SEC24D: variants seen among roughly 807,000 people sequenced by gnomAD.
The protein encoded by SEC24D is SEC24 homolog D, COPII component.
In SEC24D, 69 loss-of-function variants were observed where a neutral mutation model predicts 116.9. That is an observed-to-expected ratio of 0.59 (90% CI 0.49 to 0.72). The LOEUF (loss-of-function observed/expected upper bound fraction) is 0.72, where lower values mean the gene tolerates loss of function less well. Ranked by LOEUF, SEC24D falls within the 30% of genes least tolerant of loss-of-function variation. The pLI is 0.00. For synonymous variants in SEC24D, 405 were observed against 442.8 expected (o/e 0.91, Z 1.07); for missense variants, 1,131 against 1,264.1 (o/e 0.89, Z 1.60).
At chr4:118,780,181 A>G (rs1359983838) in intron 8 of SEC24D, among the ~76,000 whole-genome samples, 4 of 151,908 alleles carry the variant, frequency 2.6e-5, no homozygotes, top group African/African-American at 9.7e-5. Context: ...TAGTTCTTTT[A>G]ATTGTGATGT....
chr4:118,749,704 G>A (rs1002330369), intron 13 of SEC24D, among the ~76,000 whole-genome samples: 33 of 152,182 alleles, frequency 2.2e-4, no homozygotes, highest in Non-Finnish European at 4.3e-4. Context: ...ATTATGTTTT[G>A]TATTACAGAG....
At position 118,744,617 on chromosome 4, in the gene SEC24D, C is replaced by T. The variant is rs555127257; in HGVS notation, c.1824+327G>A. On this transcript the variant is annotated intron_variant, in intron 14 of 22. Coordinates refer to ENST00000280551, the MANE Select transcript of SEC24D (RefSeq NM_014822.4). ...TGTGCTTCATGCCTCAGGCCTCTGC[C>T]GCCAAGGGAAGAGTTTGTCTAACAT... is the stretch of plus-strand genomic sequence containing the variant. Among the ~76,000 whole-genome samples the T allele has an allele frequency of 5.3e-5, 8 of 152,306 alleles. No individual in the cohort carries two copies. In the East Asian group the frequency reaches 1.2e-3, roughly 22 times the overall value.
At chr4:118,777,724 C>A (rs927272765) in intron 8 of SEC24D, among the ~76,000 whole-genome samples, 1 of 152,222 alleles carries the variant, frequency 6.6e-6, no homozygotes, top group African/African-American at 2.4e-5. Context: ...TACACTCCCA[C>A]CAACAGTGTA....
At chr4:118,780,387 C>G (rs190654300) in intron 8 of SEC24D, among the ~76,000 whole-genome samples, 4 of 152,290 alleles carry the variant, frequency 2.6e-5, no homozygotes, top group Admixed American at 2.6e-4. Flanking sequence ...GCAGGATGTT[C>G]GGTTTCCATG....
Position 118,768,249 on chromosome 4 carries a change from G to A in SEC24D, c.1104C>T (p.Ala368=), listed in dbSNP as rs750253197. ...SGPVRCNRCK[A]YMCPFMQFIE... ...TGAACTGCATAAATGGGCACATGTA[G>A]GCCTTGCACCTGTTGCATCTGACTG... Residue 368 remains alanine (A), a synonymous_variant, in exon 9 of 23, where the codon GCC becomes GCT. Transcript: ENST00000280551. 2 of 1,613,818 alleles carry A rather than the reference G, an allele frequency of 1.2e-6. No individual in the cohort carries two copies. The highest frequency in any genetic ancestry group is 1.7e-5 in the Admixed American group (1 of 60,002).
At chr4:118,774,553 G>C (rs568129227) in intron 8 of SEC24D, among the ~76,000 whole-genome samples, 2 of 152,274 alleles carry the variant, frequency 1.3e-5, no homozygotes, top group South Asian at 2.1e-4. Context: ...CAGAGCTGTA[G>C]CTTGAATTCT....
chr4:118,742,567 TAGAA>T (rs1438956550), intron 15 of SEC24D, among the ~76,000 whole-genome samples: 7 of 152,222 alleles, frequency 4.6e-5, no homozygotes, highest in South Asian at 4.1e-4. Context: ...CCAGAAGTCT[TAGAA>T]AGAGTTGTTA....
At chr4:118,810,456 C>T (rs767147809) in intron 6 of SEC24D, among the ~76,000 whole-genome samples, 4 of 152,048 alleles carry the variant, frequency 2.6e-5, no homozygotes, top group Non-Finnish European at 5.9e-5. Context: ...AGGTTTTTGG[C>T]CTGAGGAGCC....
chr4:118,797,950 TAAA>T (rs1173558781), intron 7 of SEC24D, 140 bp from the exon 8 acceptor site: 1 of 659,988 alleles, frequency 1.5e-6, no homozygotes, highest in East Asian at 2.9e-5. Context: ...ATTTGTTTTT[TAAA>T]AAAGTAGTAT....
chr4:118,729,575 G>A (rs1725581775), intron 21 of SEC24D: 1 of 152,188 alleles, frequency 6.6e-6, no homozygotes, highest in South Asian at 2.1e-4. Flanking sequence ...TTTCTCAAAG[G>A]GAATGCAGCG....
At chr4:118,833,843 G>C (rs1018602485) in intron 1 of SEC24D, 106 bp from the exon 2 acceptor site, 1 of 588,908 alleles carries the variant, frequency 1.7e-6, no homozygotes, top group African/African-American at 1.9e-5. Flanking sequence ...TTGAGGAAAA[G>C]TACAGATATC....
intron 8 of SEC24D, among the ~76,000 whole-genome samples, chr4:118,784,381 A>G (rs2110490352): frequency 6.6e-6 from 1 of 152,338 alleles, no homozygotes; most frequent in Non-Finnish European, 1.5e-5. Flanking sequence ...GAAGAAATAT[A>G]GACAAAATTA....
chr4:118,818,035 C>G (rs566340156), intron 3 of SEC24D, among the ~76,000 whole-genome samples: 6 of 151,320 alleles, frequency 4.0e-5, no homozygotes, highest in Non-Finnish European at 1.5e-5. Context: ...AGACCCTGTC[C>G]CAAAGAGAAA....
rs549375571 is a variant in SEC24D at position 118,752,023 on chromosome 4, G to A, written c.1680C>T (p.Val560=). Residue 560 remains valine (V), a synonymous_variant, in exon 13 of 23, where the codon GTC becomes GTT. Transcript: ENST00000280551. The stretch of plus-strand genomic sequence containing the variant: ...TTAGTGCTTCCATGCCAGCCTGGAT[G>A]ACAGGAGCAAAGACAGTCTCATTTT... ...SNENETVFAP[V]IQAGMEALKA... 1.9e-6 allele frequency: 3 copies of A among 1,612,986 alleles called. No homozygotes were observed. Among genetic ancestry groups the A allele is most frequent in the South Asian group, 2.2e-5 (2 of 90,946 alleles).
chr4:118,746,385 A>T (rs1011502466), intron 13 of SEC24D, among the ~76,000 whole-genome samples: 13 of 152,088 alleles, frequency 8.5e-5, no homozygotes, highest in Non-Finnish European at 1.5e-4. Flanking sequence ...GGCTCTTCAC[A>T]TGTATTTTCT....
At chr4:118,764,142 A>T (rs565813280) in intron 10 of SEC24D, among the ~76,000 whole-genome samples, 1 of 152,304 alleles carries the variant, frequency 6.6e-6, no homozygotes, top group African/African-American at 2.4e-5. Context: ...ATAACTGAAG[A>T]GACAGCTGAG....
chr4:118,792,041 G>A (rs1293087908), intron 8 of SEC24D, among the ~76,000 whole-genome samples: 4 of 152,064 alleles, frequency 2.6e-5, no homozygotes, highest in African/African-American at 9.6e-5. Context: ...AGGAAGTGAG[G>A]AGCGTCTCTG....
At chr4:118,764,948 T>G in intron 9 of SEC24D, 31 bp from the exon 10 acceptor site, 1 of 1,259,390 alleles carries the variant, frequency 7.9e-7, no homozygotes, top group Non-Finnish European at 1.2e-6. Context: ...AAGAAAATAT[T>G]TTGTTTTCAT....
intron 12 of SEC24D, 98 bp downstream of exon 12, chr4:118,752,599 T>C: frequency 2.5e-6 from 2 of 801,606 alleles, no homozygotes; most frequent in Non-Finnish European, 3.9e-6. Flanking sequence ...GAAACCCCCT[T>C]GCTAATGATA....
Sources: gnomAD v4.1 joint callset for allele counts (sites outside exome capture counted in the v4.1 genomes callset) on GRCh38, gnomAD v4.1.1 for gene constraint, MANE v1.5 for transcripts, NCBI Gene and HGNC (gene_info 2026-07-23, HGNC 2026-07-21) for gene names.